TNFRSF10A: variants seen among roughly 807,000 people sequenced by gnomAD.
TNFRSF10A encodes TNF receptor superfamily member 10a.
In TNFRSF10A, 44 loss-of-function variants were observed where a neutral mutation model predicts 42.8. The ratio of observed to expected loss-of-function variants is 1.03; its 90% CI spans 0.81 to 1.32. The LOEUF (loss-of-function observed/expected upper bound fraction) is 1.32. Ranked by LOEUF, TNFRSF10A falls within the 40% of genes most tolerant of loss-of-function variation. The pLI is 0.00. For missense variants in TNFRSF10A, 680 were observed against 602.0 expected, an observed-to-expected ratio of 1.13 and a Z score of -1.36; for synonymous variants, 259 against 234.2, an observed-to-expected ratio of 1.11 and a Z score of -0.97.
chr8:23,213,395 C>G (rs1409726957), intron 1 of TNFRSF10A, among the ~76,000 whole-genome samples: 1 of 142,162 alleles, frequency 7.0e-6, no homozygotes, highest in East Asian at 2.1e-4. Context: ...TTTCTGTTAT[C>G]TCTGATCTAT....
intron 1 of TNFRSF10A, among the ~76,000 whole-genome samples, chr8:23,222,302 G>T (rs1266913552): frequency 6.6e-6 from 1 of 152,102 alleles, no homozygotes; most frequent in African/African-American, 2.4e-5. Context: ...CTTCTAAAGG[G>T]CTGCCCGATA....
At chr8:23,193,800 A>G (rs2128846265) in intron 9 of TNFRSF10A, among the ~76,000 whole-genome samples, 1 of 152,344 alleles carries the variant, frequency 6.6e-6, no homozygotes, top group East Asian at 1.9e-4. Context: ...TGTGTTTGCT[A>G]GAGTCATGGG....
intron 8 of TNFRSF10A, 122 bp downstream of exon 8, chr8:23,199,144 C>T (rs546022243): frequency 9.0e-5 from 111 of 1,230,992 alleles, no homozygotes; most frequent in East Asian, 2.0e-4. Flanking sequence ...CTTTTTCCCA[C>T]GCAGCCCCGT....
chr8:23,216,603 G>A (rs926055670), intron 1 of TNFRSF10A, among the ~76,000 whole-genome samples: 2 of 152,076 alleles, frequency 1.3e-5, no homozygotes, highest in Non-Finnish European at 1.5e-5. Flanking sequence ...TGAGCCGGGC[G>A]TGCTGGCAGG....
intron 1 of TNFRSF10A, among the ~76,000 whole-genome samples, chr8:23,217,994 C>T (rs969126015): frequency 3.3e-5 from 5 of 152,108 alleles, no homozygotes; most frequent in Admixed American, 1.3e-4. Flanking sequence ...TAGGCAGATA[C>T]GAAGTCAAGG....
intron 2 of TNFRSF10A, among the ~76,000 whole-genome samples, chr8:23,206,690 A>C (rs992900792): frequency 1.3e-5 from 2 of 152,316 alleles, no homozygotes; most frequent in African/African-American, 4.8e-5. Flanking sequence ...GAAATGAGAG[A>C]GAGCACATTA....
Position 23,206,691 on chromosome 8 carries a change from G to C in TNFRSF10A, c.404-3930C>G, listed in dbSNP as rs1275001182. On this transcript the variant is annotated intron_variant, in intron 2 of 9. Coordinates refer to ENST00000221132, the MANE Select transcript of TNFRSF10A (RefSeq NM_003844.4). ...CTGTATTAGAATCAGAAATGAGAGAGAGCACATTACTACAGATTATATAGA... is the reference window on the plus strand; with the variant it reads ...CTGTATTAGAATCAGAAATGAGAGACAGCACATTACTACAGATTATATAGA... 4.6e-5 allele frequency among the ~76,000 whole-genome samples: 7 copies of C among 152,026 alleles called. No individual in the cohort carries two copies. In the East Asian group the frequency reaches 5.8e-4, roughly 13 times the overall value.
rs572044691 is a variant in TNFRSF10A at position 23,199,117 on chromosome 8, C to G, written c.1014+149G>C. On this transcript the variant is annotated intron_variant, in intron 8 of 9. Coordinates refer to ENST00000221132, the MANE Select transcript of TNFRSF10A (RefSeq NM_003844.4). ...CAGACATTTGGAAGAGTGCCTGTCC[C>G]CTTGTGAGGGTGGCTGCTTTTTCCC... The G allele has an allele frequency of 6.6e-5, 57 of 862,604 alleles. No individual in the cohort carries two copies. The African/African-American group carries it at 9.1e-4, about 14-fold the overall frequency. 53.4% of individuals were successfully genotyped at this position (862,604 alleles called of 1,614,324 possible). A position where few individuals can be genotyped will look rare whatever the true frequency, so the allele number is the denominator to read the frequency against.
In TNFRSF10A at chr8:23,191,830, G is replaced by C. The variant is rs145301145; in HGVS notation, c.1271C>G (p.Ser424Trp). Residue 424 changes from serine to tryptophan, a missense_variant, in exon 10 of 10, where the codon TCG becomes TGG. Ser to Trp is a radical substitution (Grantham distance 177). Transcript: ENST00000221132. ...CAAGGCATCCAGCAGGGTGTGGATC[G>C]AGGCGTTCCGTCCAGTTTTGTTGAC... ...KWVNKTGRNA[S>W]IHTLLDALER... 50 of 1,408,858 alleles carry C rather than the reference G, an allele frequency of 3.5e-5. No individual in the cohort carries two copies. The highest frequency in any genetic ancestry group is 4.7e-5 in the Non-Finnish European group (50 of 1,072,496). 87.3% of individuals were successfully genotyped at this position (1,408,858 alleles called of 1,614,324 possible).
chr8:23,216,592 A>T (rs1400941466), intron 1 of TNFRSF10A, among the ~76,000 whole-genome samples: 1 of 152,092 alleles, frequency 6.6e-6, no homozygotes, highest in Non-Finnish European at 1.5e-5. Flanking sequence ...AAATACAAAA[A>T]TGAGCCGGGC....
intron 9 of TNFRSF10A, among the ~76,000 whole-genome samples, chr8:23,192,963 C>G (rs1800776407): frequency 6.6e-6 from 1 of 152,230 alleles, no homozygotes; most frequent in African/African-American, 2.4e-5. Flanking sequence ...TGTGGGACCC[C>G]TCATTCATCT....
At chr8:23,198,510 G>C (rs537078452) in intron 8 of TNFRSF10A, among the ~76,000 whole-genome samples, 1 of 152,074 alleles carries the variant, frequency 6.6e-6, no homozygotes, top group Non-Finnish European at 1.5e-5. Context: ...GAGTAGGAGA[G>C]CAGGCCTTCT....
rs1464395890 is a variant in TNFRSF10A at position 23,201,898 on chromosome 8, C to T, written c.539G>A (p.Cys180Tyr). Residue 180 changes from cysteine to tyrosine, a missense_variant, in exon 4 of 10, where the codon TGC becomes TAC. Physicochemically the swap from Cys to Tyr is radical, Grantham distance 194. Transcript: ENST00000221132. ...ACATGCTGTGTTCCTGGTCGTGGTGCAGGGACTTCTCTCTTCTTCATCTGA... is the reference window on the plus strand; with the variant it reads ...ACATGCTGTGTTCCTGGTCGTGGTGTAGGGACTTCTCTCTTCTTCATCTGA... ...CKSDEEERSP[C>Y]TTTRNTACQC... The T allele has an allele frequency of 4.3e-6, 7 of 1,613,994 alleles. No individual in the cohort carries two copies. In the Admixed American group the frequency reaches 1.0e-4, roughly 23 times the overall value.
At chr8:23,217,319 GATTCTC>G (rs1801198543) in intron 1 of TNFRSF10A, among the ~76,000 whole-genome samples, 1 of 152,014 alleles carries the variant, frequency 6.6e-6, no homozygotes, top group Non-Finnish European at 1.5e-5. Context: ...TGGTTCAAGT[GATTCTC>G]CTGCCTCAGC....
intron 4 of TNFRSF10A, 108 bp downstream of exon 4, chr8:23,201,700 G>C: frequency 9.9e-7 from 1 of 1,010,142 alleles, no homozygotes; most frequent in Non-Finnish European, 1.5e-6. Context: ...GAGGCACCAT[G>C]GGGTCAGGGC....
At chr8:23,195,960 G>T (rs942401597) in intron 9 of TNFRSF10A, among the ~76,000 whole-genome samples, 15 of 151,670 alleles carry the variant, frequency 9.9e-5, no homozygotes, top group African/African-American at 3.6e-4. Context: ...CCATCAAAAG[G>T]TTTTTTTGTT....
At chr8:23,209,537 C>A (rs532500372) in intron 2 of TNFRSF10A, among the ~76,000 whole-genome samples, 1 of 152,352 alleles carries the variant, frequency 6.6e-6, no homozygotes, top group South Asian at 2.1e-4. Context: ...ACTATGGGAA[C>A]CCGCCTCTTG....
At chr8:23,200,959 T>C (rs6557632) in intron 4 of TNFRSF10A, among the ~76,000 whole-genome samples, 199 bp from the exon 5 acceptor site, 45,688 of 151,930 alleles carry the variant, frequency 0.3, 7,739 homozygotes, top group East Asian at 0.83. Flanking sequence ...TTTACCCCCT[T>C]GGCCTCCCTG....
chr8:23,208,771 A>G (rs991730364), intron 2 of TNFRSF10A, among the ~76,000 whole-genome samples: 1 of 152,192 alleles, frequency 6.6e-6, no homozygotes, highest in African/African-American at 2.4e-5. Context: ...TCAGTTTTAT[A>G]AGGGAACCAG....
Sources: allele counts gnomAD v4.1 joint callset (sites outside exome capture counted in the v4.1 genomes callset), GRCh38; gene constraint gnomAD v4.1.1; transcripts MANE v1.5; gene names NCBI Gene and HGNC (gene_info 2026-07-23, HGNC 2026-07-21).